The following NRG1 variants were observed in gnomAD, a reference collection of about 807,000 sequenced individuals.
The protein encoded by NRG1 is pro-neuregulin-1, membrane-bound isoform.
NRG1 carries 18 observed loss-of-function variants against 63.8 expected under a neutral mutation model. The observed-to-expected ratio is 0.28, with a 90% CI of 0.19 to 0.42. The LOEUF (loss-of-function observed/expected upper bound fraction) is 0.42. NRG1 is among the 10% of genes least tolerant of loss of function. The pLI, the probability that NRG1 is intolerant of heterozygous loss-of-function variation, is 1.00. For missense variants in NRG1, 762 were observed against 814.7 expected (o/e 0.94, Z 0.79); for synonymous variants, 302 against 301.3 (o/e 1.00, Z -0.02).
chr8:32,723,688 CAAAAAAAAAAAAAAA>C (rs530225180), intron 5 of NRG1, among the ~76,000 whole-genome samples: 3 of 33,806 alleles, frequency 8.9e-5, no homozygotes, highest in African/African-American at 2.7e-4. Context: ...GACTCCATCT[CAAAAAAAAAAAAAAA>C]AAAAAAAAAA....
At chr8:31,787,397 T>C (rs1217369753) in intron 1 of NRG1, among the ~76,000 whole-genome samples, 2 of 152,192 alleles carry the variant, frequency 1.3e-5, no homozygotes, top group South Asian at 2.1e-4. Flanking sequence ...ACCTGGTGAA[T>C]TTCTTATTAC....
intron 1 of NRG1, among the ~76,000 whole-genome samples, chr8:31,762,890 G>A (rs1231146612): frequency 6.6e-6 from 1 of 152,064 alleles, no homozygotes; most frequent in Non-Finnish European, 1.5e-5. Context: ...GACATTATTA[G>A]AAAAGAAATC....
At chr8:32,155,958 C>T (rs1838016609) in intron 1 of NRG1, among the ~76,000 whole-genome samples, 1 of 152,152 alleles carries the variant, frequency 6.6e-6, no homozygotes, top group Non-Finnish European at 1.5e-5. Flanking sequence ...CTCAACTGAA[C>T]TACAGCAGTC....
chr8:32,718,398 C>T (rs879724903), intron 5 of NRG1, among the ~76,000 whole-genome samples: 2 of 152,108 alleles, frequency 1.3e-5, no homozygotes, highest in African/African-American at 2.4e-5. Flanking sequence ...CATTTTCTTG[C>T]AAACACTGTT....
At chr8:31,885,433 G>A (rs1830645860) in intron 1 of NRG1, among the ~76,000 whole-genome samples, 1 of 151,998 alleles carries the variant, frequency 6.6e-6, no homozygotes, top group Admixed American at 6.6e-5. Flanking sequence ...AAAAAAAAAT[G>A]TCCACTTCCC....
chr8:31,711,569 T>C (rs1256740230), intron 1 of NRG1, among the ~76,000 whole-genome samples: 1 of 152,228 alleles, frequency 6.6e-6, no homozygotes, highest in Non-Finnish European at 1.5e-5. Flanking sequence ...CCTTTCAATA[T>C]GTATAGTATT....
intron 1 of NRG1, among the ~76,000 whole-genome samples, chr8:31,733,663 C>A (rs1814347943): frequency 6.6e-6 from 1 of 152,104 alleles, no homozygotes; most frequent in Non-Finnish European, 1.5e-5. Flanking sequence ...GGGTTACCAG[C>A]CAGAGGACAG....
intron 1 of NRG1, among the ~76,000 whole-genome samples, chr8:31,929,112 A>G (rs941945141): frequency 1.3e-5 from 2 of 152,222 alleles, no homozygotes; most frequent in Non-Finnish European, 2.9e-5. Context: ...ATTGTTGTAG[A>G]GAACTGAGGT....
chr8:32,670,800 TGCTTAAA>T (rs1283390130), intron 5 of NRG1, among the ~76,000 whole-genome samples: 1 of 152,188 alleles, frequency 6.6e-6, no homozygotes, highest in Non-Finnish European at 1.5e-5. Flanking sequence ...TTCGTTGGTT[TGCTTAAA>T]ATCACACATC....
chr8:32,003,496 G>T (rs956647234), intron 1 of NRG1, among the ~76,000 whole-genome samples: 1 of 151,864 alleles, frequency 6.6e-6, no homozygotes, highest in Admixed American at 6.6e-5. Flanking sequence ...TGTCCAGAGG[G>T]TATAAGGAAA....
chr8:32,376,435 C>T (rs1809632032), intron 1 of NRG1, among the ~76,000 whole-genome samples: 1 of 152,230 alleles, frequency 6.6e-6, no homozygotes, highest in East Asian at 1.9e-4. Flanking sequence ...TGCATAGGAC[C>T]CCCATTCCCT....
chr8:32,402,691 A>G (rs1813374207), intron 1 of NRG1, among the ~76,000 whole-genome samples: 1 of 152,164 alleles, frequency 6.6e-6, no homozygotes, highest in Admixed American at 6.5e-5. Flanking sequence ...AATGCTGGAG[A>G]TTTGGAGCTG....
intron 1 of NRG1, among the ~76,000 whole-genome samples, chr8:31,884,729 G>T (rs1341067767): frequency 6.6e-6 from 1 of 152,054 alleles, no homozygotes; most frequent in African/African-American, 2.4e-5. Context: ...ATTTCTTATG[G>T]AATGTATGGA....
intron 1 of NRG1, among the ~76,000 whole-genome samples, chr8:31,870,851 G>A (rs1829418658): frequency 6.6e-6 from 1 of 152,166 alleles, no homozygotes; most frequent in African/African-American, 2.4e-5. Context: ...GCTTAAGTGT[G>A]TCACTGCAGA....
At chr8:32,281,195 T>TTTTTTTTTTTTTTTTTA (rs1852790731) in intron 1 of NRG1, among the ~76,000 whole-genome samples, 1 of 142,000 alleles carries the variant, frequency 7.0e-6, no homozygotes, top group Non-Finnish European at 1.5e-5. Flanking sequence ...TTTTTTTTTT[T>TTTTTTTTTTTTTTTTTA]GAGACAGAAT....
At chr8:32,355,123 T>A (rs1806194391) in intron 1 of NRG1, among the ~76,000 whole-genome samples, 1 of 152,132 alleles carries the variant, frequency 6.6e-6, no homozygotes, top group South Asian at 2.1e-4. Flanking sequence ...AATTTGATAA[T>A]TTTTTTAGAA....
At chr8:32,437,822 C>T (rs906120885) in intron 1 of NRG1, among the ~76,000 whole-genome samples, 15 of 152,090 alleles carry the variant, frequency 9.9e-5, no homozygotes, top group African/African-American at 3.4e-4. Flanking sequence ...TTTATTATAA[C>T]TGGTGAGCTA....
intron 5 of NRG1, among the ~76,000 whole-genome samples, chr8:32,670,911 T>C (rs1479548427): frequency 6.6e-6 from 1 of 152,150 alleles, no homozygotes; most frequent in Non-Finnish European, 1.5e-5. Flanking sequence ...TGTAAATGTA[T>C]AGAATTATGA....
At chr8:32,039,320 G>T (rs1819563594) in intron 1 of NRG1, among the ~76,000 whole-genome samples, 1 of 152,148 alleles carries the variant, frequency 6.6e-6, no homozygotes, top group African/African-American at 2.4e-5. Flanking sequence ...TGTTATTCTA[G>T]TGTTGGTCTC....
Sources: gnomAD v4.1 joint callset for allele counts (sites outside exome capture counted in the v4.1 genomes callset) on GRCh38, gnomAD v4.1.1 for gene constraint, MANE v1.5 for transcripts, NCBI Gene and HGNC (gene_info 2026-07-23, HGNC 2026-07-21) for gene names.